APC2: variants seen among roughly 807,000 people sequenced by gnomAD.
APC2 encodes the protein APC regulator of Wnt signaling pathway 2.
A neutral mutation model predicts 72.5 loss-of-function variants in APC2; 41 were observed. The observed-to-expected ratio is 0.57, with a 90% CI of 0.44 to 0.73. APC2 has a LOEUF of 0.73. Ranked by LOEUF, APC2 falls within the 30% of genes least tolerant of loss-of-function variation. APC2 has a pLI of 0.00. For synonymous variants in APC2, 1,898 were observed against 1,612.0 expected (o/e 1.18, Z -4.25); for missense variants, 3,729 against 3,403.4 (o/e 1.10, Z -2.38).
chr19:1,472,764 C>A lies in APC2; in HGVS notation c.*2551C>A, dbSNP rs1044275776. The A allele has an allele frequency of 6.6e-6, 1 of 152,610 alleles. No homozygotes were observed. The highest frequency in any genetic ancestry group is 1.5e-5 in the Non-Finnish European group (1 of 68,356). 9.5% of individuals were successfully genotyped at this position (152,610 alleles called of 1,614,324 possible). A position where few individuals can be genotyped will look rare whatever the true frequency, so the allele number is the denominator to read the frequency against. ...CCACTGCAAGGCCTCCCTCCCACCG[C>A]GGCCCCTGCCTGGCCACCTGGCCTC... On this transcript the variant is annotated 3_prime_UTR_variant, in exon 15 of 15. Transcript: ENST00000590469.
chr19:1,468,973 C>G lies in APC2; in HGVS notation c.5672C>G (p.Pro1891Arg). The change falls in exon 15 of 15, where the codon CCC becomes CGC. Residue 1891 changes from proline to arginine, a missense_variant. Pro to Arg is a moderately radical substitution (Grantham distance 103). Transcript: ENST00000590469. Reference sequence around the variant, plus strand: ...TCCCAGCCCCTGCCCAGAAAGCGCCCCCCGGTCACCCAGGCTGCTGGGGCC... The same window carrying G: ...TCCCAGCCCCTGCCCAGAAAGCGCCGCCCGGTCACCCAGGCTGCTGGGGCC... ...PASQPLPRKR[P>R]PVTQAAGALP... 1 of 1,560,486 alleles carries G rather than the reference C, an allele frequency of 6.4e-7. No individual in the cohort carries two copies. The highest frequency in any genetic ancestry group is 8.6e-7 in the Non-Finnish European group (1 of 1,159,332).
chr19:1,457,284 G>A (rs909648594), intron 9 of APC2, 41 bp downstream of exon 9: 3 of 1,484,378 alleles, frequency 2.0e-6, no homozygotes, highest in Non-Finnish European at 2.7e-6. Flanking sequence ...CGCAATTAAC[G>A]TGCAGCTAGG....
Position 1,469,929 on chromosome 19 carries a change from G to A in APC2, c.6628G>A (p.Glu2210Lys). The part of the protein sequence containing the change: ...KTNSSTSPSL[E>K]TREPPGAPAG... ...CAACTCCAGCACGTCCCCGAGCCTG[G>A]AGACCAGGGAGCCCCCCGGGGCCCC... is the stretch of plus-strand genomic sequence containing the variant. The change falls in exon 15 of 15, where the codon GAG (glutamate) becomes AAG (lysine). Residue 2210 changes from glutamate (E) to lysine (K), a missense_variant. Transcript: ENST00000590469. The A allele has an allele frequency of 6.6e-7, 1 of 1,516,976 alleles. No individual in the cohort carries two copies. The highest frequency in any genetic ancestry group is 8.8e-7 in the Non-Finnish European group (1 of 1,138,850). 94.0% of individuals were successfully genotyped at this position (1,516,976 alleles called of 1,614,324 possible).
Position 1,467,547 on chromosome 19 carries a change from AGGGACCAGCCCGG to A in APC2, c.4256_4268del (p.Pro1419ArgfsTer157). On this transcript the variant is annotated frameshift_variant, in exon 15 of 15. Coordinates refer to ENST00000590469, the MANE Select transcript of APC2 (RefSeq NM_005883.3). LOFTEE classifies it low-confidence loss of function (END_TRUNC). The stretch of plus-strand genomic sequence containing the variant: ...CGACGAGACGCTGCAGGGACCCCCC[AGGGACCAGCCCGG>A]GGGACCAGCGGGCAGGCAAAGACCC... 2.0e-6 allele frequency: 3 copies of A among 1,504,888 alleles called. No homozygotes were observed. The highest frequency in any genetic ancestry group is 1.3e-5 in the South Asian group (1 of 79,898). 93.2% of individuals were successfully genotyped at this position (1,504,888 alleles called of 1,614,324 possible). A position where few individuals can be genotyped will look rare whatever the true frequency, so the allele number is the denominator to read the frequency against.
At position 1,469,478 on chromosome 19, in the gene APC2, G is replaced by A. The variant is rs1333384543; in HGVS notation, c.6177G>A (p.Gln2059=). 1.8e-6 allele frequency: 2 copies of A among 1,100,566 alleles called. No individual in the cohort carries two copies. The highest frequency in any genetic ancestry group is 1.1e-6 in the Non-Finnish European group (1 of 908,698). The allele number at this position is 1,100,566 out of a possible 1,614,324, so 68.2% of individuals were successfully genotyped here. A position where few individuals can be genotyped will look rare whatever the true frequency, so the allele number is the denominator to read the frequency against. Residue 2059 remains glutamine (Q), a synonymous_variant, in exon 15 of 15, where the codon CAG becomes CAA. Transcript: ENST00000590469. ...APRQGPAPAR[Q]RPPAARPSPG... ...GGCAGGGCCCGGCCCCGGCCCGGCA[G>A]CGGCCCCCCGCGGCCCGACCCAGCC...
In APC2 at chr19:1,453,425, A is replaced by T. The variant is rs113549985; in HGVS notation, c.233-6A>T. Reference sequence around the variant, plus strand: ...GCTGACCTCCGCCCTGTCCCCGCCCATCCAGCCCTACAGATGGACATCACC... The same window carrying T: ...GCTGACCTCCGCCCTGTCCCCGCCCTTCCAGCCCTACAGATGGACATCACC... On this transcript the variant is annotated splice_region_variant and splice_polypyrimidine_tract_variant and intron_variant, in intron 3 of 14. Transcript: ENST00000590469. 83 of 1,602,984 alleles carry T rather than the reference A, an allele frequency of 5.2e-5. 1 individual carries two copies. In the African/African-American group the frequency reaches 8.7e-4, roughly 17 times the overall value.
At chr19:1,455,991 A>G (rs906076098) in intron 6 of APC2, 85 bp from the exon 7 acceptor site, 119 of 1,157,346 alleles carry the variant, frequency 1.0e-4, no homozygotes, top group Admixed American at 5.9e-4. Context: ...GTCAGAGCCC[A>G]GGGTGGGGTC....
intron 10 of APC2, among the ~76,000 whole-genome samples, chr19:1,458,757 C>T (rs2083878699): frequency 6.6e-6 from 1 of 151,930 alleles, no homozygotes; most frequent in Admixed American, 6.6e-5. Context: ...CACTCTGTTG[C>T]CCAGGCTGGA....
At position 1,468,741 on chromosome 19, in the gene APC2, A is replaced by T. The variant is rs1382053018; in HGVS notation, c.5440A>T (p.Thr1814Ser). 1 of 1,499,592 alleles carries T rather than the reference A, an allele frequency of 6.7e-7. No individual in the cohort carries two copies. The highest frequency in any genetic ancestry group is 2.5e-5 in the East Asian group (1 of 40,224). The allele number at this position is 1,499,592 out of a possible 1,614,324, so 92.9% of individuals were successfully genotyped here. Residue 1814 changes from threonine to serine, a missense_variant, in exon 15 of 15, where the codon ACA becomes TCA. Coordinates refer to ENST00000590469, the MANE Select transcript of APC2 (RefSeq NM_005883.3). ...CAAAGGGACCCCCGGCCCCCGCGCC[A>T]CACCGCGGAAGGTGGCGCCCCCTTG... ...QPKGTPGPRATPRKVAPPCLA... is the reference protein window; with the variant it reads ...QPKGTPGPRASPRKVAPPCLA...
upstream of APC2, among the ~76,000 whole-genome samples, chr19:1,449,995 C>A (rs1233390628): frequency 6.6e-6 from 1 of 152,020 alleles, no homozygotes; most frequent in Admixed American, 6.5e-5. Context: ...GGAGGCCCGA[C>A]GCCCCGCGGC....
At chr19:1,455,350 C>G (rs561230877) in intron 5 of APC2, 34 bp from the exon 6 acceptor site, 3 of 1,599,666 alleles carry the variant, frequency 1.9e-6, no homozygotes, top group African/African-American at 1.3e-5. Context: ...GCCCGGGCGC[C>G]CCTCACCGTG....
chr19:1,468,262 C>T lies in APC2; in HGVS notation c.4961C>T (p.Ala1654Val). The T allele has an allele frequency of 6.6e-7, 1 of 1,526,164 alleles. No individual in the cohort carries two copies. The highest frequency in any genetic ancestry group is 8.8e-7 in the Non-Finnish European group (1 of 1,139,222). 94.5% of individuals were successfully genotyped at this position (1,526,164 alleles called of 1,614,324 possible). ...GGCCTGCGGCGCCGCAAGCCCCGAG[C>T]CACCCGGCTGGATGAGCGGCCCGCA... ...VSGLRRRKPR[A>V]TRLDERPAEG... The change falls in exon 15 of 15, where the codon GCC (alanine) becomes GTC (valine). Residue 1654 changes from alanine to valine, a missense_variant. Ala to Val is a moderately conservative substitution (Grantham distance 64). Transcript: ENST00000590469.
chr19:1,465,566 G>A lies in APC2; in HGVS notation c.2265G>A (p.Lys755=). The A allele has an allele frequency of 6.4e-7, 1 of 1,552,944 alleles. No homozygotes were observed. Among genetic ancestry groups the A allele is most frequent in the Non-Finnish European group, 8.7e-7 (1 of 1,150,792 alleles). ...QGPPAAEAAT[K]KPLPPLRHLD... ...CGCCGGCAGCCGAGGCCGCCACTAA[G>A]AAGCCGCTGCCGCCCCTGCGACACC... is the stretch of plus-strand genomic sequence containing the variant. The change falls in exon 15 of 15, where the codon AAG becomes AAA. Residue 755 remains lysine, a synonymous_variant. Transcript: ENST00000590469.
rs139841074 is a variant in APC2 at position 1,453,492 on chromosome 19, G to T, written c.294G>T (p.Pro98=). Residue 98 remains proline, a synonymous_variant, in exon 4 of 15, where the codon CCG becomes CCT. Coordinates refer to ENST00000590469, the MANE Select transcript of APC2 (RefSeq NM_005883.3). ...AGTTCCAGCCGCCCACCCTGGGCCC[G>T]GAGCCTGCCGCCCGGACCCCCGAGG... ...NLKFQPPTLG[P]EPAARTPEGS... The T allele has an allele frequency of 6.2e-7, 1 of 1,605,932 alleles. No individual in the cohort carries two copies. The highest frequency in any genetic ancestry group is 8.5e-7 in the Non-Finnish European group (1 of 1,175,186).
In APC2 at chr19:1,467,563, G is replaced by T; in HGVS notation, c.4262G>T (p.Gly1421Val). The stretch of plus-strand genomic sequence containing the variant: ...GGACCCCCCAGGGACCAGCCCGGGG[G>T]ACCAGCGGGCAGGCAAAGACCCACC... ...LQGPPRDQPG[G>V]PAGRQRPTGR... Residue 1421 changes from glycine to valine, a missense_variant, in exon 15 of 15, where the codon GGA (glycine) becomes GTA (valine). Transcript: ENST00000590469. The T allele has an allele frequency of 8.6e-6, 13 of 1,510,980 alleles. No homozygotes were observed. Among genetic ancestry groups the T allele is most frequent in the Non-Finnish European group, 1.1e-5 (13 of 1,135,818 alleles). 93.6% of individuals were successfully genotyped at this position (1,510,980 alleles called of 1,614,324 possible).
Position 1,466,882 on chromosome 19 carries a change from GC to G in APC2, c.3584del (p.Pro1195LeufsTer43). 1 of 1,569,712 alleles carries G rather than the reference GC, an allele frequency of 6.4e-7. No homozygotes were observed. Among genetic ancestry groups the G allele is most frequent in the Non-Finnish European group, 8.6e-7 (1 of 1,158,762 alleles). On this transcript the variant is annotated frameshift_variant, in exon 15 of 15. Coordinates refer to ENST00000590469, the MANE Select transcript of APC2 (RefSeq NM_005883.3). LOFTEE classifies it low-confidence loss of function (END_TRUNC). Reference sequence around the variant, plus strand: ...AGCGGGCAGGGCAGCGGCACCATCAGCCCTAGCGAGCTGCCCGACAGCCCCG... The same window carrying G: ...AGCGGGCAGGGCAGCGGCACCATCAGCCTAGCGAGCTGCCCGACAGCCCCG... Reference protein sequence around the residue: ...PCSGQGSGTISPSELPDSPGQ... With the variant: ...PCSGQGSGTIXPSELPDSPGQ...
chr19:1,465,965 C>T lies in APC2; in HGVS notation c.2664C>T (p.Arg888=), dbSNP rs746978876. ...DPGQEAPREG[R]AQSCSPCRGP... ...GACAGGAGGCGCCACGGGAGGGCCG[C>T]GCCCAGTCCTGCTCGCCATGCCGCG... Residue 888 remains arginine, a synonymous_variant, in exon 15 of 15, where the codon CGC becomes CGT. Coordinates refer to ENST00000590469, the MANE Select transcript of APC2 (RefSeq NM_005883.3). 2 of 1,564,890 alleles carry T rather than the reference C, an allele frequency of 1.3e-6. No individual in the cohort carries two copies. Among genetic ancestry groups the T allele is most frequent in the Non-Finnish European group, 1.7e-6 (2 of 1,163,272 alleles).
chr19:1,450,328 C>G lies in APC2; in HGVS notation c.-29C>G. On this transcript the variant is annotated 5_prime_UTR_variant, in exon 1 of 15. Transcript: ENST00000590469. ...CCCAGGCGCCCCGCCAGCCCAGCTG[C>G]ACGTAAGCGGGTGTGTGTCCTCGGG... is the stretch of plus-strand genomic sequence containing the variant. 3 of 985,530 alleles carry G rather than the reference C, an allele frequency of 3.0e-6. No individual in the cohort carries two copies. Among genetic ancestry groups the G allele is most frequent in the Non-Finnish European group, 3.6e-6 (3 of 829,976 alleles). The allele number at this position is 985,530 out of a possible 1,614,324, so 61.0% of individuals were successfully genotyped here.
rs2083915011 is a variant in APC2, at chr19:1,461,073, G to T, written c.1558G>T (p.Ala520Ser). ...SSILRNLSWRADINSKKVLRE... is the reference protein window; with the variant it reads ...SSILRNLSWRSDINSKKVLRE... ...CATCCTTCGGAACTTGTCCTGGAGG[G>T]CCGACATCAACAGCAAGAAGGTGCT... Residue 520 changes from alanine to serine, a missense_variant, in exon 13 of 15, where the codon GCC becomes TCC. Transcript: ENST00000590469. The T allele has an allele frequency of 6.2e-7, 1 of 1,613,740 alleles. No homozygotes were observed. The highest frequency in any genetic ancestry group is 1.1e-5 in the South Asian group (1 of 91,094).
Sources: gnomAD v4.1 joint callset for allele counts (sites outside exome capture counted in the v4.1 genomes callset) on GRCh38, gnomAD v4.1.1 for gene constraint, MANE v1.5 for transcripts, NCBI Gene and HGNC (gene_info 2026-07-23, HGNC 2026-07-21) for gene names.